The following CHST11 variants were observed in gnomAD, a reference collection of about 807,000 sequenced individuals.
The protein encoded by CHST11 is C4S-1.
A neutral mutation model predicts 30.4 loss-of-function variants in CHST11; 9 were observed. That is an observed-to-expected ratio of 0.30 (90% confidence interval 0.18 to 0.52). CHST11 has a LOEUF of 0.52. CHST11 is among the 20% of genes least tolerant of loss of function. The pLI, the probability that CHST11 is intolerant of heterozygous loss-of-function variation, is 0.97. For synonymous variants in CHST11, 152 were observed against 187.8 expected (o/e 0.81, Z 1.56); for missense variants, 348 against 460.6 (o/e 0.76, Z 2.24).
chr12:104,511,170 C>T (rs184868146), intron 1 of CHST11, among the ~76,000 whole-genome samples: 349 of 152,212 alleles, frequency 2.3e-3, no homozygotes, highest in African/African-American at 8.1e-3. Context: ...GAGTTTATAG[C>T]CTAAGTTCCC....
At chr12:104,485,144 T>C (rs986931659) in intron 1 of CHST11, among the ~76,000 whole-genome samples, 2 of 152,210 alleles carry the variant, frequency 1.3e-5, no homozygotes, top group East Asian at 1.9e-4. Flanking sequence ...CAGAGGTTCA[T>C]GTGCTTAGAA....
intron 1 of CHST11, among the ~76,000 whole-genome samples, chr12:104,460,487 A>G (rs2037397505): frequency 6.6e-6 from 1 of 152,006 alleles, no homozygotes; most frequent in Non-Finnish European, 1.5e-5. Flanking sequence ...AACATGGCGA[A>G]ACCACATCTC....
chr12:104,707,859 T>G (rs2040049965), intron 2 of CHST11, among the ~76,000 whole-genome samples: 1 of 152,084 alleles, frequency 6.6e-6, no homozygotes, highest in South Asian at 2.1e-4. Flanking sequence ...CACACACAGG[T>G]GCAAGCACAC....
At chr12:104,671,793 C>A (rs2039700029) in intron 2 of CHST11, among the ~76,000 whole-genome samples, 1 of 152,180 alleles carries the variant, frequency 6.6e-6, no homozygotes, top group African/African-American at 2.4e-5. Context: ...CCCCAGCCCT[C>A]TTCTTGCATA....
chr12:104,688,420 T>C (rs373749763), intron 2 of CHST11, among the ~76,000 whole-genome samples: 3 of 152,028 alleles, frequency 2.0e-5, no homozygotes, highest in African/African-American at 7.2e-5. Flanking sequence ...AGCCAGTAGG[T>C]GGTAAAATGA....
chr12:104,584,910 G>T (rs2038786960), intron 1 of CHST11, among the ~76,000 whole-genome samples: 1 of 152,214 alleles, frequency 6.6e-6, no homozygotes, highest in African/African-American at 2.4e-5. Context: ...TGGATTTGAA[G>T]GGTGTAAACA....
Position 104,513,372 on chromosome 12 carries a change from A to G in CHST11, c.118+55843A>G, listed in dbSNP as rs1592739465. Among the ~76,000 whole-genome samples the G allele has an allele frequency of 2.0e-5, 3 of 152,206 alleles. No homozygotes were observed. The East Asian group carries it at 5.8e-4, about 29-fold the overall frequency. ...CAGACTTCTCAGATTTGGGAGGTAA[A>G]TCTCCCCCACCCCCAGTGTTTGCAT... On this transcript the variant is annotated intron_variant, in intron 1 of 2. Transcript: ENST00000303694.
intron 1 of CHST11, among the ~76,000 whole-genome samples, chr12:104,489,054 G>A (rs2037719414): frequency 6.6e-6 from 1 of 151,042 alleles, no homozygotes; most frequent in African/African-American, 2.4e-5. Flanking sequence ...TTTTCCTTGA[G>A]ATGGAGTTTT....
At chr12:104,647,705 C>G (rs2039448437) in intron 2 of CHST11, among the ~76,000 whole-genome samples, 1 of 152,118 alleles carries the variant, frequency 6.6e-6, no homozygotes, top group Non-Finnish European at 1.5e-5. Context: ...AAGTTAGCAG[C>G]TTAACAATAA....
At position 104,620,928 on chromosome 12, in the gene CHST11, G is replaced by A. The variant is rs551308226; in HGVS notation, c.204+18937G>A. Reference sequence around the variant, plus strand: ...ATGGTGTAACTAAACCAGGGAGGAAGAAGTGATAAGTATCTTGTTAAGATA... The same window carrying A: ...ATGGTGTAACTAAACCAGGGAGGAAAAAGTGATAAGTATCTTGTTAAGATA... On this transcript the variant is annotated intron_variant, in intron 2 of 2. Coordinates refer to ENST00000303694, the MANE Select transcript of CHST11 (RefSeq NM_018413.6). Among the ~76,000 whole-genome samples the A allele has an allele frequency of 7.2e-5, 11 of 152,360 alleles. No individual in the cohort carries two copies. The South Asian group carries it at 2.3e-3, about 32-fold the overall frequency.
chr12:104,678,435 C>G (rs545173046), intron 2 of CHST11, among the ~76,000 whole-genome samples: 1 of 152,204 alleles, frequency 6.6e-6, no homozygotes. Flanking sequence ...AAAATACTTG[C>G]TAACATGCTG....
intron 2 of CHST11, among the ~76,000 whole-genome samples, chr12:104,696,326 C>A (rs1408150784): frequency 1.3e-5 from 2 of 151,878 alleles, no homozygotes; most frequent in South Asian, 2.1e-4. Context: ...TTTTATAGAT[C>A]TGCCTATATA....
chr12:104,695,768 C>G (rs556299392), intron 2 of CHST11, among the ~76,000 whole-genome samples: 4 of 152,308 alleles, frequency 2.6e-5, no homozygotes, highest in African/African-American at 4.8e-5. Flanking sequence ...CCCAGCTCCC[C>G]CTTCACAGCC....
At chr12:104,545,737 C>T (rs1973589) in intron 1 of CHST11, among the ~76,000 whole-genome samples, 83,708 of 151,972 alleles carry the variant, frequency 0.55, 24,204 homozygotes, top group East Asian at 0.98. Context: ...AGGCTCTCTT[C>T]TGGGTTTGCA....
At chr12:104,717,449 T>G (rs2040139838) in intron 2 of CHST11, among the ~76,000 whole-genome samples, 1 of 152,212 alleles carries the variant, frequency 6.6e-6, no homozygotes, top group East Asian at 1.9e-4. Context: ...TTTCCGGGGA[T>G]GGTCATAAGT....
intron 2 of CHST11, among the ~76,000 whole-genome samples, chr12:104,737,050 T>G (rs2040306965): frequency 6.6e-6 from 1 of 152,218 alleles, no homozygotes; most frequent in Non-Finnish European, 1.5e-5. Context: ...TAGATGATCT[T>G]TATGGGATAT....
chr12:104,460,010 A>C (rs2037392056), intron 1 of CHST11, among the ~76,000 whole-genome samples: 2 of 152,248 alleles, frequency 1.3e-5, no homozygotes, highest in African/African-American at 4.8e-5. Flanking sequence ...TTTCAAATCT[A>C]CATTAAACAT....
intron 2 of CHST11, among the ~76,000 whole-genome samples, chr12:104,684,170 A>G (rs1181881509): frequency 1.3e-5 from 2 of 152,244 alleles, no homozygotes; most frequent in Non-Finnish European, 2.9e-5. Context: ...GCGTAGACGC[A>G]TGGGTGTGGC....
chr12:104,481,044 G>A (rs2037617077), intron 1 of CHST11, among the ~76,000 whole-genome samples: 1 of 152,210 alleles, frequency 6.6e-6, no homozygotes, highest in African/African-American at 2.4e-5. Flanking sequence ...TGACTCAGCA[G>A]AGGTCACTTA....
Sources: allele counts gnomAD v4.1 joint callset (sites outside exome capture counted in the v4.1 genomes callset), GRCh38; gene constraint gnomAD v4.1.1; transcripts MANE v1.5; gene names NCBI Gene and HGNC (gene_info 2026-07-23, HGNC 2026-07-21).